The following ZNF831 variants were observed in gnomAD, a reference collection of about 807,000 sequenced individuals.
ZNF831 encodes the protein zinc finger protein 831.
A neutral mutation model predicts 95.8 loss-of-function variants in ZNF831; 59 were observed. That is an observed-to-expected ratio of 0.62 (90% CI 0.50 to 0.77). ZNF831 has a LOEUF of 0.77. Among genes scored for constraint, ZNF831 ranks in the 30% least tolerant of loss-of-function variants. ZNF831 has a pLI of 0.00. For missense variants in ZNF831, 2,205 were observed against 2,164.0 expected (o/e 1.02, Z -0.38); for synonymous variants, 961 against 925.5 (o/e 1.04, Z -0.70).
At chr20:59,124,570 T>C (rs1180032900) in intron 1 of ZNF831, among the ~76,000 whole-genome samples, 3 of 152,190 alleles carry the variant, frequency 2.0e-5, no homozygotes, top group Admixed American at 2.0e-4. Flanking sequence ...GCCTGTGCAG[T>C]GGGGCCAGAC....
chr20:59,199,585 G>T (rs971768956), intron 3 of ZNF831, among the ~76,000 whole-genome samples: 1 of 152,118 alleles, frequency 6.6e-6, no homozygotes, highest in African/African-American at 2.4e-5. Context: ...GATTGCTGTA[G>T]AGTGTCTCAT....
intron 3 of ZNF831, among the ~76,000 whole-genome samples, chr20:59,204,163 A>G (rs1235384310): frequency 6.6e-6 from 1 of 152,188 alleles, no homozygotes; most frequent in East Asian, 1.9e-4. Flanking sequence ...TGAAGGGGAG[A>G]GTGGAGAAGA....
At chr20:59,241,801 G>T (rs1485207921) in intron 4 of ZNF831, among the ~76,000 whole-genome samples, 2 of 152,166 alleles carry the variant, frequency 1.3e-5, no homozygotes, top group Non-Finnish European at 2.9e-5. Context: ...AGAAATATCT[G>T]GGTGAAAGGA....
At position 59,224,843 on chromosome 20, in the gene ZNF831, T is replaced by G. The variant is rs80199229; in HGVS notation, c.4027+17787T>G. Among the ~76,000 whole-genome samples the G allele has an allele frequency of 6.7e-3, 1,014 of 152,370 alleles. 9 individuals are homozygous for G. Among genetic ancestry groups the G allele is most frequent in the African/African-American group, 0.023 (972 of 41,582 alleles). On this transcript the variant is annotated intron_variant, in intron 4 of 5. Coordinates refer to ENST00000371030, the MANE Select transcript of ZNF831 (RefSeq NM_178457.3). ...CCAAACAAATTAAATATGTTATTGA[T>G]TTTTAAAAGTCCCTGCATGAATGGT...
chr20:59,206,164 A>T (rs555597037), intron 3 of ZNF831, among the ~76,000 whole-genome samples: 1 of 152,340 alleles, frequency 6.6e-6, no homozygotes, highest in East Asian at 1.9e-4. Flanking sequence ...AAGGTCTATG[A>T]AGAATGTTGT....
rs8121811 is a variant in ZNF831 at position 59,155,511 on chromosome 20, T to C, written c.-1280-4141T>C. ...TTGCTCATTAGCTGGTCAACTTTTC[T>C]TGCTCTGTGATCTTTAGAATGAGGG... is the stretch of plus-strand genomic sequence containing the variant. On this transcript the variant is annotated intron_variant, in intron 2 of 7. Transcript: ENST00000637017. Among the ~76,000 whole-genome samples the C allele has an allele frequency of 7.0e-3, 1,063 of 152,334 alleles. 13 individuals carry two copies. The highest frequency in any genetic ancestry group is 0.024 in the African/African-American group (992 of 41,580).
intron 1 of ZNF831, among the ~76,000 whole-genome samples, chr20:59,134,220 T>A (rs1189763472): frequency 6.6e-6 from 1 of 152,164 alleles, no homozygotes; most frequent in Non-Finnish European, 1.5e-5. Context: ...CTGCTCTCCC[T>A]CCCTACCAAA....
At position 59,194,211 on chromosome 20, in the gene ZNF831, A is replaced by G. The variant is rs761170650; in HGVS notation, c.3192A>G (p.Leu1064=). ...SPPTPTCEAH[L]VQDMEGDSHR... is the part of the protein sequence containing the mutation. ...CCACTCCAACGTGTGAGGCACACTT[A>G]GTTCAGGACATGGAGGGTGACAGCC... The change falls in exon 2 of 6, where the codon TTA becomes TTG. Residue 1064 remains leucine, a synonymous_variant. Transcript: ENST00000371030. The G allele has an allele frequency of 1.2e-6, 2 of 1,612,682 alleles. No individual in the cohort carries two copies. Among genetic ancestry groups the G allele is most frequent in the African/African-American group, 2.7e-5 (2 of 74,936 alleles).
At chr20:59,135,791 G>T (rs1221279571) in intron 1 of ZNF831, among the ~76,000 whole-genome samples, 1 of 152,146 alleles carries the variant, frequency 6.6e-6, no homozygotes, top group Non-Finnish European at 1.5e-5. Context: ...CCAGTTATTA[G>T]GTTGGTGCAA....
rs61742492 is a variant in ZNF831, at chr20:59,193,754, C to T, written c.2735C>T (p.Ala912Val). The stretch of plus-strand genomic sequence containing the variant: ...ACCCCACTGCATCCTGCAGCCCCAG[C>T]CCCCGCAGAGCACCCCTCGCTGGCC... ...KATPLHPAAPAPAEHPSLATP... is the reference protein window; with the variant it reads ...KATPLHPAAPVPAEHPSLATP... Residue 912 changes from alanine (A) to valine (V), a missense_variant, in exon 2 of 6, where the codon GCC (alanine) becomes GTC (valine). By Grantham distance (64) the Ala-to-Val change is moderately conservative. Transcript: ENST00000371030. The T allele has an allele frequency of 1.2e-3, 1,904 of 1,608,758 alleles. 15 individuals are homozygous for T. The Middle Eastern group carries it at 0.015, about 13-fold the overall frequency.
rs2146771118 is a variant in ZNF831, at chr20:59,254,513, A to T, written c.4804A>T (p.Thr1602Ser). The change falls in exon 6 of 6, where the codon ACT (threonine) becomes TCT (serine). Residue 1602 changes from threonine to serine, a missense_variant. Physicochemically the swap from Thr to Ser is moderately conservative, Grantham distance 58. Coordinates refer to ENST00000371030, the MANE Select transcript of ZNF831 (RefSeq NM_178457.3). This position sits in a 1 kb window ranked among gnomAD's most constrained non-coding sequence, Gnocchi z 4.5. Reference sequence around the variant, plus strand: ...AGGCCAGTATGGGTGTGGGGAAATGACTGTCCCCTGCCCCTCTTTAGGAAG... The same window carrying T: ...AGGCCAGTATGGGTGTGGGGAAATGTCTGTCCCCTGCCCCTCTTTAGGAAG... The part of the protein sequence containing the change: ...SRGQYGCGEM[T>S]VPCPSLGSDG... The T allele has an allele frequency of 6.2e-7, 1 of 1,614,106 alleles. No homozygotes were observed. Among genetic ancestry groups the T allele is most frequent in the Non-Finnish European group, 8.5e-7 (1 of 1,180,024 alleles).
rs1279323077 is a variant in ZNF831, at chr20:59,191,435, G to A, written c.416G>A (p.Arg139Gln). The part of the protein sequence containing the change: ...GPTLGSPGKV[R>Q]NAGKYLCPHC... ...ACGCTGGGCAGCCCAGGCAAGGTGC[G>A]GAATGCGGGCAAGTACCTGTGTCCG... Residue 139 changes from arginine (R) to glutamine (Q), a missense_variant, in exon 2 of 6, where the codon CGG becomes CAG. Transcript: ENST00000371030. The A allele has an allele frequency of 9.9e-6, 16 of 1,612,804 alleles. No homozygotes were observed. The highest frequency in any genetic ancestry group is 1.3e-5 in the Non-Finnish European group (15 of 1,179,874).
intron 1 of ZNF831, among the ~76,000 whole-genome samples, chr20:59,130,542 C>T (rs1181791141): frequency 6.6e-6 from 1 of 152,174 alleles, no homozygotes; most frequent in Non-Finnish European, 1.5e-5. Flanking sequence ...ATGAGCAAGA[C>T]AGGCTGTGTG....
intron 1 of ZNF831, among the ~76,000 whole-genome samples, chr20:59,182,334 C>T (rs1343433337): frequency 2.0e-5 from 3 of 152,122 alleles, no homozygotes; most frequent in Non-Finnish European, 4.4e-5. Flanking sequence ...GCAGATTTTT[C>T]CCATTTTGCA....
Position 59,253,891 on chromosome 20 carries a change from G to GT in ZNF831, c.4189-5dup. 9.2e-7 allele frequency: 1 copy of GT among 1,082,164 alleles called. No homozygotes were observed. Among genetic ancestry groups the GT allele is most frequent in the Non-Finnish European group, 1.2e-6 (1 of 833,586 alleles). 67.0% of individuals were successfully genotyped at this position (1,082,164 alleles called of 1,614,324 possible). ...CCACTTTTTTTTTCCTTTGCACTTT[G>GT]TTGCAGGATATTTCTCCATCTGCTG... is the stretch of plus-strand genomic sequence containing the variant. On this transcript the variant is annotated splice_polypyrimidine_tract_variant and splice_region_variant and intron_variant, in intron 5 of 5. Transcript: ENST00000371030.
intron 1 of ZNF831, among the ~76,000 whole-genome samples, chr20:59,185,064 C>A (rs908837030): frequency 4.0e-5 from 6 of 149,846 alleles, no homozygotes; most frequent in Non-Finnish European, 5.9e-5. Context: ...AAGGGGCTGT[C>A]CCGGACCCTT....
chr20:59,130,594 C>T (rs913137094), intron 1 of ZNF831, among the ~76,000 whole-genome samples: 28 of 152,144 alleles, frequency 1.8e-4, no homozygotes, highest in African/African-American at 5.8e-4. Context: ...GGCTTCTAAA[C>T]GCCAAAGGCA....
intron 1 of ZNF831, among the ~76,000 whole-genome samples, chr20:59,133,561 A>G (rs983786611): frequency 3.3e-5 from 5 of 152,300 alleles, no homozygotes; most frequent in Middle Eastern, 3.4e-3. Context: ...GTGTGCCTCA[A>G]TTTGACAGTT....
rs967877849 is a variant in ZNF831, at chr20:59,257,997, A to T, written c.*3254A>T. 5 of 152,196 alleles carry T rather than the reference A, an allele frequency of 3.3e-5. No homozygotes were observed. Among genetic ancestry groups the T allele is most frequent in the African/African-American group, 1.2e-4 (5 of 41,454 alleles). 9.4% of individuals were successfully genotyped at this position (152,196 alleles called of 1,614,324 possible). A position where few individuals can be genotyped will look rare whatever the true frequency, so the allele number is the denominator to read the frequency against. On this transcript the variant is annotated 3_prime_UTR_variant, in exon 6 of 6. Transcript: ENST00000371030. ...CCTTGGCAACCTACATTGTTAAGTGACTCAAAGTCATGTGATTTTTGGTGG... is the reference window on the plus strand; with the variant it reads ...CCTTGGCAACCTACATTGTTAAGTGTCTCAAAGTCATGTGATTTTTGGTGG...
Sources: allele counts gnomAD v4.1 joint callset (sites outside exome capture counted in the v4.1 genomes callset), GRCh38; gene constraint gnomAD v4.1.1; non-coding constraint Gnocchi (gnomAD v3.1); transcripts MANE v1.5; gene names NCBI Gene and HGNC (gene_info 2026-07-23, HGNC 2026-07-21).